The following GAS2L1 variants were observed in gnomAD, a reference collection of about 807,000 sequenced individuals.
GAS2L1 encodes the protein growth arrest specific 2 like 1.
GAS2L1 carries 26 observed loss-of-function variants against 44.0 expected under a neutral mutation model. The ratio of observed to expected loss-of-function variants is 0.59; its 90% CI spans 0.43 to 0.82. The LOEUF is 0.82. Among genes scored for constraint, GAS2L1 ranks in the 40% least tolerant of loss-of-function variants. The probability of loss-of-function intolerance (pLI) is 0.00; values close to 1 mark genes in which losing one functional copy is unlikely to be tolerated. For missense variants in GAS2L1, 1,006 were observed against 983.0 expected (o/e 1.02, Z -0.31); for synonymous variants, 426 against 415.9 (o/e 1.02, Z -0.30).
Position 29,308,184 on chromosome 22 carries a change from G to T in GAS2L1, c.79G>T (p.Glu27Ter). 6.2e-7 allele frequency: 1 copy of T among 1,606,490 alleles called. No homozygotes were observed. The highest frequency in any genetic ancestry group is 8.5e-7 in the Non-Finnish European group (1 of 1,175,772). Residue 27 changes from glutamate (E) to a stop codon, truncating the protein, a stop_gained, in exon 1 of 5, where the codon GAG becomes TAG. Coordinates refer to ENST00000618518, the Ensembl canonical transcript of GAS2L1. LOFTEE classifies it high-confidence loss of function. Reference sequence around the variant, plus strand: ...ATTTCGCTCCAGTGAGGCCTACGTGGAGGCCATGAAGGAGGACCTGGCCGA... The same window carrying T: ...ATTTCGCTCCAGTGAGGCCTACGTGTAGGCCATGAAGGAGGACCTGGCCGA...
chr22:29,311,764 G>T, exon 5 of GAS2L1: 1 of 1,540,084 alleles, frequency 6.5e-7, no homozygotes, highest in East Asian at 2.4e-5. Context: ...CGGAGCCAGA[G>T]CCGCGAGGAG....
chr22:29,312,283 T>TG lies in GAS2L1; in HGVS notation c.1839dup (p.Pro614AlafsTer13), dbSNP rs78929040. ...GATGAAGGCAGCCCCTGCCCTGGCA[T>TG]GGGGGGGCCACTAGATGCACCTGGG... On this transcript the variant is annotated frameshift_variant, in exon 5 of 5. Coordinates refer to ENST00000618518, the Ensembl canonical transcript of GAS2L1. LOFTEE classifies it high-confidence loss of function. The TG allele has an allele frequency of 1.4e-5, 22 of 1,609,468 alleles. No homozygotes were observed. Among genetic ancestry groups the TG allele is most frequent in the East Asian group, 8.9e-5 (4 of 44,758 alleles).
At chr22:29,308,456 G>A (rs142321804) in exon 1 of GAS2L1, 133 of 1,606,106 alleles carry the variant, frequency 8.3e-5, no homozygotes, top group Non-Finnish European at 1.1e-4. Flanking sequence ...TGGGTGTGCC[G>A]GAGGTGCTCA....
At chr22:29,310,239 A>G (rs2061387832) in intron 1 of GAS2L1, 200 bp from the exon 3 acceptor site, 2 of 312,526 alleles carry the variant, frequency 6.4e-6, no homozygotes, top group East Asian at 1.1e-4. Flanking sequence ...CAAAACTCCA[A>G]CTCAAAAAAA....
At position 29,311,535 on chromosome 22, in the gene GAS2L1, G is replaced by A. The variant is rs574715308; in HGVS notation, c.1084G>A (p.Ala362Thr). ...GGACAGTGACTCCTCAGCCTCCTCC[G>A]CCCAGAGCGGCCCCCTTGGTACCCG... The change falls in exon 5 of 5, where the codon GCC (alanine) becomes ACC (threonine). Residue 362 changes from alanine to threonine, a missense_variant. Transcript: ENST00000618518. The A allele has an allele frequency of 4.5e-6, 7 of 1,541,940 alleles. No homozygotes were observed. In the East Asian group the frequency reaches 7.4e-5, roughly 16 times the overall value.
intron 1 of GAS2L1, 171 bp from the exon 3 acceptor site, chr22:29,310,248 AAAAAAAAAATAAAAAAAAAT>A: frequency 8.9e-6 from 3 of 338,162 alleles, no homozygotes; most frequent in East Asian, 4.8e-5. Flanking sequence ...AACTCAAAAA[AAAAAAAAAATAAAAAAAAAT>A]AAAAAAAATA....
At chr22:29,312,051 G>T (rs1158253591) in exon 5 of GAS2L1, 2 of 1,612,602 alleles carry the variant, frequency 1.2e-6, no homozygotes, top group Non-Finnish European at 1.7e-6. Flanking sequence ...GGCCCTTGAG[G>T]CTGTTGCTAG....
chr22:29,310,568 A>T, intron 2 of GAS2L1, 22 bp downstream of exon 3: 1 of 1,581,220 alleles, frequency 6.3e-7, no homozygotes, highest in Non-Finnish European at 8.7e-7. Flanking sequence ...GGGCCGCCCC[A>T]GCGGGCAGCA....
exon 1 of GAS2L1, chr22:29,308,196 G>A (rs1363289730): frequency 1.2e-6 from 2 of 1,608,636 alleles, no homozygotes; most frequent in South Asian, 2.2e-5. Flanking sequence ...GGCCATGAAG[G>A]AGGACCTGGC....
chr22:29,312,456 C>CA lies in GAS2L1; in HGVS notation c.2006dup (p.His669GlnfsTer8). The CA allele has an allele frequency of 6.6e-7, 1 of 1,521,384 alleles. No homozygotes were observed. The highest frequency in any genetic ancestry group is 8.8e-7 in the Non-Finnish European group (1 of 1,133,528). The allele number at this position is 1,521,384 out of a possible 1,614,324, so 94.2% of individuals were successfully genotyped here. On this transcript the variant is annotated frameshift_variant, in exon 5 of 5. Transcript: ENST00000618518. LOFTEE classifies it high-confidence loss of function. ...AGAGCTGGGGACATGGCATGCCCTG[C>CA]ACTCAGTCACCCCGAGGGCTGAGCC...
exon 5 of GAS2L1, chr22:29,312,464 C>A (rs891051419): frequency 9.9e-6 from 15 of 1,517,732 alleles, no homozygotes; most frequent in Non-Finnish European, 1.3e-5. Context: ...TGCACTCAGT[C>A]ACCCCGAGGG....
exon 1 of GAS2L1, chr22:29,308,404 G>A (rs2061370673): frequency 1.2e-6 from 2 of 1,608,272 alleles, no homozygotes; most frequent in African/African-American, 2.7e-5. Flanking sequence ...TTCATGGCGC[G>A]CGACAACGTG....
intron 1 of GAS2L1, 85 bp from the exon 3 acceptor site, chr22:29,310,354 C>A: frequency 1.3e-6 from 1 of 766,022 alleles, no homozygotes; most frequent in Non-Finnish European, 2.3e-6. Context: ...GAAAGCCTGA[C>A]TTCCTCCTGA....
At chr22:29,310,950 C>A (rs1359437097) in exon 4 of GAS2L1, 1 of 1,613,726 alleles carries the variant, frequency 6.2e-7, no homozygotes, top group Non-Finnish European at 8.5e-7. Flanking sequence ...CCTGAGATGA[C>A]TCCCGTTAGC....
At chr22:29,312,531 T>C in exon 5 of GAS2L1, 1 of 1,434,562 alleles carries the variant, frequency 7.0e-7, no homozygotes, top group Non-Finnish European at 9.3e-7. Context: ...ACCCCATCCC[T>C]TCTCCTTTTC....
intron 4 of GAS2L1, 88 bp from the exon 6 acceptor site, chr22:29,311,374 C>A: frequency 1.6e-6 from 1 of 621,628 alleles, no homozygotes; most frequent in Non-Finnish European, 2.8e-6. Flanking sequence ...GTCCACCAGC[C>A]ACATACCCTG....
At chr22:29,308,819 AC>A in intron 1 of GAS2L1, 81 bp downstream of exon 2, 1 of 1,145,100 alleles carries the variant, frequency 8.7e-7, no homozygotes, top group Non-Finnish European at 1.2e-6. Context: ...CCCAGGGTCC[AC>A]CCTGCTATCT....
chr22:29,311,656 G>C (rs761686740), exon 5 of GAS2L1: 4 of 1,530,964 alleles, frequency 2.6e-6, no homozygotes, highest in Non-Finnish European at 3.5e-6. Context: ...CCTGCCCTGC[G>C]CAGCCAGTCC....
exon 5 of GAS2L1, chr22:29,311,962 G>C (rs1358526187): frequency 6.2e-7 from 1 of 1,608,260 alleles, no homozygotes; most frequent in Admixed American, 1.7e-5. Context: ...AGCATCTTCC[G>C]CACACCCCTG....
Sources: gnomAD v4.1 joint callset for allele counts on GRCh38, gnomAD v4.1.1 for gene constraint, MANE v1.5 for transcripts, NCBI Gene and HGNC (gene_info 2026-07-23, HGNC 2026-07-21) for gene names.